Variants in RTL4 observed in about 807,000 individuals in gnomAD.
RTL4 encodes retrotransposon Gag like 4, also known as retrotransposon Gag-like protein 4.
Under a neutral mutation model 5.3 loss-of-function variants are expected in RTL4, and 4 were observed. That is an observed-to-expected ratio of 0.75 (90% CI 0.37 to 1.72). RTL4 has a LOEUF of 1.72. RTL4 is among the 40% of genes most tolerant of loss of function. The pLI is 0.04. For synonymous variants in RTL4, 98 were observed against 87.3 expected, an observed-to-expected ratio of 1.12 and a Z score of -0.68; for missense variants, 260 against 227.1, an observed-to-expected ratio of 1.14 and a Z score of -0.93.
At chrX:112,215,236 C>T in the RTL4 span, among the ~76,000 whole-genome samples, 1 of 111,500 alleles carries the variant, frequency 9.0e-6, no homozygotes, top group Non-Finnish European at 1.9e-5. Context: ...ATATCTATAA[C>T]CTCAAACATT....
At chrX:112,352,266 G>C in the RTL4 span, among the ~76,000 whole-genome samples, 1 of 110,471 alleles carries the variant, frequency 9.1e-6, no homozygotes, top group Admixed American at 9.8e-5. Flanking sequence ...TCCCTTTGTG[G>C]GTAACCCGAC....
the RTL4 span, among the ~76,000 whole-genome samples, chrX:112,443,564 G>C: frequency 8.9e-6 from 1 of 111,746 alleles, no homozygotes; most frequent in Non-Finnish European, 1.9e-5. Flanking sequence ...CAGTGCACAA[G>C]GTTCCCTTTC....
At chrX:112,377,590 A>G in the RTL4 span, among the ~76,000 whole-genome samples, 1 of 112,030 alleles carries the variant, frequency 8.9e-6, no homozygotes, top group Non-Finnish European at 1.9e-5. Flanking sequence ...AAAGTTAAAG[A>G]ATCGTTAAGT....
At chrX:112,139,701 T>C in the RTL4 span, among the ~76,000 whole-genome samples, 10 of 112,400 alleles carry the variant, frequency 8.9e-5, no homozygotes, top group Non-Finnish European at 1.9e-4. Flanking sequence ...ATAACAGATA[T>C]TTATTCTTTG....
chrX:112,448,814 T>A, the RTL4 span, among the ~76,000 whole-genome samples: 1 of 111,733 alleles, frequency 8.9e-6, no homozygotes, highest in Non-Finnish European at 1.9e-5. Flanking sequence ...TATCTCAGTG[T>A]TTTGTTTTCT....
chrX:112,119,606 T>C, the RTL4 span, among the ~76,000 whole-genome samples: 2 of 111,927 alleles, frequency 1.8e-5, no homozygotes, highest in East Asian at 2.8e-4. Flanking sequence ...CCATTATAAA[T>C]GTTAGAGTAT....
the RTL4 span, among the ~76,000 whole-genome samples, chrX:112,129,878 T>C: frequency 8.9e-6 from 1 of 112,030 alleles, no homozygotes; most frequent in Non-Finnish European, 1.9e-5. Flanking sequence ...AAAATTAAAA[T>C]GGAAAAAATA....
chrX:112,326,167 G>A, the RTL4 span, among the ~76,000 whole-genome samples: 2 of 111,865 alleles, frequency 1.8e-5, no homozygotes, highest in South Asian at 7.4e-4. Flanking sequence ...TGGCCGAATA[G>A]GAACAGTTCC....
At chrX:112,353,668 C>T in the RTL4 span, among the ~76,000 whole-genome samples, 22 of 109,895 alleles carry the variant, frequency 2.0e-4, no homozygotes, top group African/African-American at 5.3e-4. Context: ...GAACATCACA[C>T]TCCGGGGACT....
chrX:112,149,448 G>T, the RTL4 span, among the ~76,000 whole-genome samples: 1 of 111,238 alleles, frequency 9.0e-6, no homozygotes, highest in Admixed American at 9.6e-5. Context: ...GAGAAGGTGA[G>T]ATTTGAGTAA....
chrX:112,371,710 A>G, the RTL4 span, among the ~76,000 whole-genome samples: 5 of 111,814 alleles, frequency 4.5e-5, no homozygotes, highest in African/African-American at 1.6e-4. Context: ...TTACTGACTT[A>G]TCTATGTATA....
At chrX:112,438,770 G>T in the RTL4 span, among the ~76,000 whole-genome samples, 1 of 112,015 alleles carries the variant, frequency 8.9e-6, no homozygotes, top group South Asian at 3.7e-4. Flanking sequence ...ACGATTAGTT[G>T]GTTGTCATAC....
the RTL4 span, among the ~76,000 whole-genome samples, chrX:112,123,272 A>T: frequency 3.6e-5 from 4 of 112,361 alleles, no homozygotes; most frequent in Non-Finnish European, 7.5e-5. Flanking sequence ...CATGATTTCA[A>T]ATTTGTTTAT....
chrX:112,283,579 G>C, the RTL4 span, among the ~76,000 whole-genome samples: 1 of 111,560 alleles, frequency 9.0e-6, no homozygotes, highest in South Asian at 3.8e-4. Context: ...TACGGCTGCT[G>C]AGAATAAAGT....
the RTL4 span, among the ~76,000 whole-genome samples, chrX:112,446,382 G>T: frequency 8.9e-5 from 10 of 111,912 alleles, no homozygotes; most frequent in African/African-American, 3.2e-4. Flanking sequence ...CAAGGCTACT[G>T]TTTCTCACTA....
the RTL4 span, among the ~76,000 whole-genome samples, chrX:112,095,390 C>T: frequency 1.2e-4 from 13 of 111,583 alleles, no homozygotes; most frequent in Non-Finnish European, 2.1e-4. Flanking sequence ...GTGTTGAGAG[C>T]AGGTTGGTGG....
the RTL4 span, among the ~76,000 whole-genome samples, chrX:112,166,460 TG>T: frequency 8.9e-6 from 1 of 111,809 alleles, no homozygotes; most frequent in Non-Finnish European, 1.9e-5. Context: ...GATAATGCCC[TG>T]TTGAAAGTTC....
At chrX:112,397,696 A>T in the RTL4 span, among the ~76,000 whole-genome samples, 1 of 112,065 alleles carries the variant, frequency 8.9e-6, no homozygotes, top group East Asian at 2.8e-4. Context: ...TTTCCAGCCT[A>T]TAGATCTTAT....
the RTL4 span, among the ~76,000 whole-genome samples, chrX:112,110,645 A>G: frequency 1.8e-5 from 2 of 112,335 alleles, no homozygotes; most frequent in Admixed American, 1.9e-4. Context: ...GACCTCATTC[A>G]GTCCATATTA....
Sources: gnomAD v4.1 joint callset for allele counts (sites outside exome capture counted in the v4.1 genomes callset) on GRCh38, gnomAD v4.1.1 for gene constraint, MANE v1.5 for transcripts, NCBI Gene and HGNC (gene_info 2026-07-23, HGNC 2026-07-21) for gene names.